SLC35F4: variants seen among roughly 807,000 people sequenced by gnomAD.
SLC35F4 encodes chromosome 14 open reading frame 36.
A neutral mutation model predicts 44.2 loss-of-function variants in SLC35F4; 24 were observed. The observed-to-expected ratio is 0.54, with a 90% CI of 0.39 to 0.76. The LOEUF is 0.76. Among genes scored for constraint, SLC35F4 ranks in the 30% least tolerant of loss-of-function variants. The probability of loss-of-function intolerance (pLI) is 0.00; values close to 1 mark genes in which losing one functional copy is unlikely to be tolerated. For synonymous variants in SLC35F4, 238 were observed against 223.6 expected, an observed-to-expected ratio of 1.06 and a Z score of -0.57; for missense variants, 562 against 586.1, an observed-to-expected ratio of 0.96 and a Z score of 0.42.
intron 1 of SLC35F4, among the ~76,000 whole-genome samples, chr14:57,721,695 A>G (rs990640616): frequency 4.6e-5 from 7 of 152,140 alleles, no homozygotes; most frequent in African/African-American, 1.7e-4. Flanking sequence ...GCAACTTGGA[A>G]TGGGGACATG....
At chr14:57,908,780 T>C (rs1206273552) in intron 1 of SLC35F4, among the ~76,000 whole-genome samples, 4 of 152,238 alleles carry the variant, frequency 2.6e-5, no homozygotes, top group Admixed American at 6.5e-5. Flanking sequence ...AGAAGCTCTT[T>C]AGTTTAATTA....
chr14:57,695,050 C>T (rs1235618271), intron 1 of SLC35F4, among the ~76,000 whole-genome samples: 1 of 151,966 alleles, frequency 6.6e-6, no homozygotes, highest in Admixed American at 6.6e-5. Context: ...AATGTTAGAC[C>T]TAAAACCATA....
At position 57,897,988 on chromosome 14, in the gene SLC35F4, T is replaced by C. The variant is rs1380196379; in HGVS notation, n.282+83925A>G. 3.3e-5 allele frequency among the ~76,000 whole-genome samples: 5 copies of C among 152,204 alleles called. No individual in the cohort carries two copies. In the East Asian group the frequency reaches 9.6e-4, roughly 29 times the overall value. Reference sequence around the variant, plus strand: ...AAGTGCTAAGAAATTTAAATATCTTTGAATATATCTTCTTCAGGTAGCAAT... The same window carrying C: ...AAGTGCTAAGAAATTTAAATATCTTCGAATATATCTTCTTCAGGTAGCAAT... On this transcript the variant is annotated intron_variant and non_coding_transcript_variant, in intron 1 of 1. Transcript: ENST00000556568.
At chr14:57,570,057 G>T (rs2068419189) in intron 5 of SLC35F4, 77 bp from the exon 6 acceptor site, 2 of 1,329,548 alleles carry the variant, frequency 1.5e-6, no homozygotes, top group African/African-American at 3.0e-5. Flanking sequence ...GTTCCATACT[G>T]TGAGCTAACT....
At chr14:57,653,917 T>C (rs1006957957) in intron 1 of SLC35F4, among the ~76,000 whole-genome samples, 10 of 152,162 alleles carry the variant, frequency 6.6e-5, no homozygotes, top group Non-Finnish European at 1.2e-4. Flanking sequence ...TTCTGAGGGC[T>C]GTGAGGAAGA....
Position 57,769,971 on chromosome 14 carries a change from T to A in SLC35F4, c.103+95752A>T, listed in dbSNP as rs149336719. 8.7e-3 allele frequency among the ~76,000 whole-genome samples: 1,327 copies of A among 152,330 alleles called. 69 individuals carry two copies. Among genetic ancestry groups the A allele is most frequent in the Admixed American group, 0.08 (1,227 of 15,304 alleles). ...TTTGCATTAATCATTTAAAACACCA[T>A]CTGCCTTCTTTGCCAAGGGCCCCAG... On this transcript the variant is annotated intron_variant, in intron 1 of 7. Coordinates refer to ENST00000556826, the MANE Select transcript of SLC35F4 (RefSeq NM_001306087.2).
chr14:57,778,915 T>G (rs2077555059), intron 1 of SLC35F4, among the ~76,000 whole-genome samples: 8 of 152,134 alleles, frequency 5.3e-5, no homozygotes, highest in South Asian at 4.1e-4. Flanking sequence ...AAAAGTTCTT[T>G]GAAACCAATG....
intron 1 of SLC35F4, among the ~76,000 whole-genome samples, chr14:57,876,175 A>G (rs979589523): frequency 6.6e-6 from 1 of 152,182 alleles, no homozygotes; most frequent in Non-Finnish European, 1.5e-5. Context: ...TGTTGGTACA[A>G]TCAGACATAG....
At chr14:57,701,533 T>C (rs2075541595) in intron 1 of SLC35F4, among the ~76,000 whole-genome samples, 1 of 152,192 alleles carries the variant, frequency 6.6e-6, no homozygotes, top group African/African-American at 2.4e-5. Flanking sequence ...GCTGGCGGCA[T>C]AGTAGGTTGA....
At chr14:57,926,733 G>C (rs1429213936) in intron 1 of SLC35F4, among the ~76,000 whole-genome samples, 10 of 149,828 alleles carry the variant, frequency 6.7e-5, no homozygotes, top group South Asian at 4.4e-4. Context: ...GTTGGGGGGG[G>C]GGGGTGGATA....
intron 1 of SLC35F4, among the ~76,000 whole-genome samples, chr14:57,784,986 T>C (rs142048664): frequency 2.2e-4 from 33 of 152,356 alleles, no homozygotes; most frequent in African/African-American, 7.2e-4. Flanking sequence ...AAGAATACTC[T>C]ATATAATACA....
At chr14:57,801,555 C>T (rs1375924623) in intron 1 of SLC35F4, among the ~76,000 whole-genome samples, 8 of 152,044 alleles carry the variant, frequency 5.3e-5, no homozygotes, top group Admixed American at 5.2e-4. Flanking sequence ...CTTTAAAAGA[C>T]ACAGGATGGC....
chr14:57,717,034 C>T (rs964496533), intron 1 of SLC35F4, among the ~76,000 whole-genome samples: 1 of 152,144 alleles, frequency 6.6e-6, no homozygotes, highest in Admixed American at 6.5e-5. Context: ...ACCCATGTTG[C>T]TGACAGCATT....
At chr14:57,574,835 G>A (rs1378063653) in intron 4 of SLC35F4, among the ~76,000 whole-genome samples, 1 of 151,698 alleles carries the variant, frequency 6.6e-6, no homozygotes, top group African/African-American at 2.4e-5. Flanking sequence ...AATATCCTAA[G>A]CACGTATCAG....
chr14:57,808,072 C>G (rs1466473930), intron 1 of SLC35F4, among the ~76,000 whole-genome samples: 1 of 151,908 alleles, frequency 6.6e-6, no homozygotes, highest in African/African-American at 2.4e-5. Flanking sequence ...CACCAGGTCC[C>G]TCCCATGACA....
downstream of SLC35F4, among the ~76,000 whole-genome samples, chr14:57,976,259 G>A (rs1421839051): frequency 6.6e-6 from 1 of 152,222 alleles, no homozygotes; most frequent in Non-Finnish European, 1.5e-5. Context: ...ACTGGGGAAA[G>A]GGAAATATCT....
intron 1 of SLC35F4, among the ~76,000 whole-genome samples, chr14:57,917,885 C>G (rs1375656359): frequency 6.6e-6 from 1 of 152,120 alleles, no homozygotes; most frequent in Admixed American, 6.6e-5. Flanking sequence ...GCATTATGAA[C>G]CTTACCAGTG....
chr14:57,605,431 CT>C (rs1010537674), intron 1 of SLC35F4, among the ~76,000 whole-genome samples: 7 of 152,206 alleles, frequency 4.6e-5, no homozygotes, highest in African/African-American at 1.7e-4. Flanking sequence ...GTCAGAATGG[CT>C]TTTGTTAAAA....
intron 1 of SLC35F4, among the ~76,000 whole-genome samples, chr14:57,690,201 A>G (rs2140329451): frequency 6.6e-6 from 1 of 152,302 alleles, no homozygotes; most frequent in East Asian, 1.9e-4. Flanking sequence ...ACAAATCCCC[A>G]TTATAAGCTG....
Sources: gnomAD v4.1 joint callset for allele counts (sites outside exome capture counted in the v4.1 genomes callset) on GRCh38, gnomAD v4.1.1 for gene constraint, MANE v1.5 for transcripts, NCBI Gene and HGNC (gene_info 2026-07-23, HGNC 2026-07-21) for gene names.